The following LARGE1 variants were observed in gnomAD, a reference collection of about 807,000 sequenced individuals.
LARGE1 encodes the protein LARGE xylosyl- and glucuronyltransferase 1.
LARGE1 carries 43 observed loss-of-function variants against 87.6 expected under a neutral mutation model. The observed-to-expected ratio is 0.49, with a 90% CI of 0.38 to 0.63. LARGE1 has a LOEUF of 0.63. LARGE1 is among the 30% of genes least tolerant of loss of function. LARGE1 has a pLI of 0.00. For synonymous variants in LARGE1, 434 were observed against 394.6 expected, an observed-to-expected ratio of 1.10 and a Z score of -1.18; for missense variants, 802 against 1,000.2, an observed-to-expected ratio of 0.80 and a Z score of 2.67.
At chr22:33,069,071 A>T in the LARGE1 span, among the ~76,000 whole-genome samples, 1 of 152,166 alleles carries the variant, frequency 6.6e-6, no homozygotes, top group South Asian at 2.1e-4. Flanking sequence ...TCCCAGTCTT[A>T]GTCTAGTGTT....
intron 3 of LARGE1, among the ~76,000 whole-genome samples, chr22:33,646,814 G>A (rs922220300): frequency 3.3e-5 from 5 of 152,052 alleles, no homozygotes; most frequent in South Asian, 2.1e-4. Context: ...TGCAACCTCC[G>A]CCTCCCAGGT....
At chr22:33,777,083 C>T (rs2145860532) in intron 1 of LARGE1, among the ~76,000 whole-genome samples, 1 of 152,136 alleles carries the variant, frequency 6.6e-6, no homozygotes, top group Non-Finnish European at 1.5e-5. Flanking sequence ...ATGAGCTGAG[C>T]CAGAAGATGG....
intron 1 of LARGE1, among the ~76,000 whole-genome samples, chr22:33,901,312 A>C (rs2065276828): frequency 2.0e-5 from 3 of 152,068 alleles, no homozygotes; most frequent in Admixed American, 2.0e-4. Flanking sequence ...TGAGACAATT[A>C]ATGTCTGTTG....
At chr22:33,070,448 G>A in the LARGE1 span, among the ~76,000 whole-genome samples, 1 of 152,124 alleles carries the variant, frequency 6.6e-6, no homozygotes, top group Non-Finnish European at 1.5e-5. Context: ...TGGTGGTGGT[G>A]CTACTGGCGT....
chr22:33,824,320 T>TA (rs2062719997), intron 1 of LARGE1, among the ~76,000 whole-genome samples: 1 of 152,100 alleles, frequency 6.6e-6, no homozygotes, highest in Admixed American at 6.6e-5. Flanking sequence ...TCAGGAAACT[T>TA]ACAATCATGG....
intron 1 of LARGE1, among the ~76,000 whole-genome samples, chr22:33,886,529 T>C (rs1459071018): frequency 6.6e-6 from 1 of 151,302 alleles, no homozygotes; most frequent in African/African-American, 2.4e-5. Flanking sequence ...ATAGAAAAAT[T>C]AGCAGGGCAT....
chr22:33,218,054 C>T (rs1299993085), intron 11 of LARGE1, among the ~76,000 whole-genome samples: 1 of 152,046 alleles, frequency 6.6e-6, no homozygotes, highest in African/African-American at 2.4e-5. Context: ...CTCAGCCTCC[C>T]AAGCAGCTGG....
intron 9 of LARGE1, among the ~76,000 whole-genome samples, chr22:33,374,160 T>A (rs1434188052): frequency 1.3e-5 from 2 of 152,084 alleles, no homozygotes; most frequent in Admixed American, 1.3e-4. Context: ...GTTTTCTTGT[T>A]TACATTCCTG....
downstream of LARGE1, among the ~76,000 whole-genome samples, chr22:33,267,681 T>G: frequency 6.6e-6 from 1 of 151,106 alleles, no homozygotes; most frequent in Middle Eastern, 3.2e-3. Context: ...CTTTTTACCT[T>G]GAGGCCGATT....
At chr22:33,858,196 G>A (rs1000247101) in intron 1 of LARGE1, among the ~76,000 whole-genome samples, 1 of 152,188 alleles carries the variant, frequency 6.6e-6, no homozygotes, top group South Asian at 2.1e-4. Flanking sequence ...TAGCCCGATC[G>A]GGAGCGGCAA....
At position 33,167,961 on chromosome 22, in the gene LARGE1, G is replaced by C. The variant is rs536599087; in HGVS notation, c.1731-1129C>G. 2.0e-5 allele frequency among the ~76,000 whole-genome samples: 3 copies of C among 152,272 alleles called. No homozygotes were observed. The South Asian group carries it at 6.2e-4, about 32-fold the overall frequency. On this transcript the variant is annotated intron_variant, in intron 11 of 11. Transcript: ENST00000608642. ...AATGATGCTTTCCACCCACCCTCCTGCAAATATTTGAAGCAGGAAACTGCC... is the reference window on the plus strand; with the variant it reads ...AATGATGCTTTCCACCCACCCTCCTCCAAATATTTGAAGCAGGAAACTGCC...
At chr22:33,466,693 T>TCTACACACACACAC (rs1555925562) in intron 6 of LARGE1, among the ~76,000 whole-genome samples, 17 of 145,248 alleles carry the variant, frequency 1.2e-4, no homozygotes, top group African/African-American at 3.9e-4. Flanking sequence ...TCTCTCTCTC[T>TCTACACACACACAC]ACACACACAC....
intron 1 of LARGE1, among the ~76,000 whole-genome samples, chr22:33,892,138 C>T (rs1356999394): frequency 1.3e-5 from 2 of 152,208 alleles, no homozygotes; most frequent in African/African-American, 2.4e-5. Context: ...CAACCCACCA[C>T]ATCAGTCATT....
chr22:33,878,125 A>ATTTTTTTTTTTTTTTTT lies in LARGE1; in HGVS notation c.-83+41869_-83+41870insAAAAAAAAAAAAAAAAA, dbSNP rs1601836110. 2.5e-4 allele frequency among the ~76,000 whole-genome samples: 13 copies of ATTTTTTTTTTTTTTTTT among 51,250 alleles called. 1 individual carries two copies. Among genetic ancestry groups the ATTTTTTTTTTTTTTTTT allele is most frequent in the Middle Eastern group, 0.012 (1 of 84 alleles). The allele number at this position is 51,250 out of a possible 152,430, so 33.6% of individuals were successfully genotyped here. A position where few individuals can be genotyped will look rare whatever the true frequency, so the allele number is the denominator to read the frequency against. On this transcript the variant is annotated intron_variant, in intron 1 of 14. Coordinates refer to ENST00000397394, the MANE Select transcript of LARGE1 (RefSeq NM_133642.5). ...AAATTATGTATGTTGTTTATATTGT[A>ATTTTTTTTTTTTTTTTT]TTTCTTTTTTTTTTTTTTTTTTTTT...
intron 1 of LARGE1, among the ~76,000 whole-genome samples, chr22:33,863,531 G>A (rs1001744545): frequency 2.0e-5 from 3 of 151,778 alleles, no homozygotes; most frequent in African/African-American, 7.3e-5. Flanking sequence ...GCCGAGGTGG[G>A]CGGATCACAA....
chr22:33,432,121 C>T (rs1294588726), intron 7 of LARGE1, 40 bp downstream of exon 7: 7 of 1,516,210 alleles, frequency 4.6e-6, no homozygotes, highest in Non-Finnish European at 9.2e-7. Flanking sequence ...GTCCTCATAT[C>T]ACCTTCTGCA....
chr22:33,386,705 T>TG lies in LARGE1; in HGVS notation c.893-2402dup, dbSNP rs201945752. ...ATTGTTTTACTCAGATAAACAATGT[T>TG]GGGGGGGGTAGAAAGAAAAGAAACA... On this transcript the variant is annotated intron_variant, in intron 7 of 14. Transcript: ENST00000397394. Among the ~76,000 whole-genome samples, 1,072 of 133,012 alleles carry TG rather than the reference T, an allele frequency of 8.1e-3. 66 individuals are homozygous for TG. The highest frequency in any genetic ancestry group is 0.023 in the African/African-American group (736 of 32,070). 87.3% of individuals were successfully genotyped at this position (133,012 alleles called of 152,430 possible).
intron 1 of LARGE1, among the ~76,000 whole-genome samples, chr22:33,839,395 A>G (rs544051305): frequency 6.6e-6 from 1 of 152,214 alleles, no homozygotes; most frequent in South Asian, 2.1e-4. Context: ...CACCAGCCCC[A>G]TCTCCAACAC....
chr22:33,101,895 T>C, the LARGE1 span, among the ~76,000 whole-genome samples: 1 of 152,208 alleles, frequency 6.6e-6, no homozygotes, highest in Non-Finnish European at 1.5e-5. Context: ...TTTCAAAGCA[T>C]GTCCCAAAGG....
Sources: gnomAD v4.1 joint callset for allele counts (sites outside exome capture counted in the v4.1 genomes callset) on GRCh38, gnomAD v4.1.1 for gene constraint, MANE v1.5 for transcripts, NCBI Gene and HGNC (gene_info 2026-07-23, HGNC 2026-07-21) for gene names.